The following EML6 variants were observed in gnomAD, a reference collection of about 807,000 sequenced individuals.
EML6 encodes the protein echinoderm microtubule-associated protein-like 6.
Under a neutral mutation model 240.1 loss-of-function variants are expected in EML6, and 154 were observed. The observed-to-expected ratio is 0.64, with a 90% CI of 0.56 to 0.73. EML6 has a LOEUF of 0.73. EML6 is among the 30% of genes least tolerant of loss of function. The pLI, the probability that EML6 is intolerant of heterozygous loss-of-function variation, is 0.00. For missense variants in EML6, 2,964 were observed against 2,474.6 expected (o/e 1.20, Z -4.20); for synonymous variants, 1,148 against 899.0 (o/e 1.28, Z -4.95).
chr2:54,844,568 C>T (rs1401121045), intron 8 of EML6, among the ~76,000 whole-genome samples: 1 of 152,198 alleles, frequency 6.6e-6, no homozygotes, highest in East Asian at 1.9e-4. Context: ...TCCCCTCGTG[C>T]CCTTGGTCTT....
In EML6 at chr2:54,964,025, T is replaced by A; in HGVS notation, c.5197T>A (p.Cys1733Ser). 1 of 1,551,680 alleles carries A rather than the reference T, an allele frequency of 6.4e-7. No individual in the cohort carries two copies. The highest frequency in any genetic ancestry group is 1.2e-5 in the South Asian group (1 of 84,056). The change falls in exon 37 of 42, where the codon TGT becomes AGT. Residue 1733 changes from cysteine to serine, a missense_variant. Transcript: ENST00000356458. ...NKVSLGHAAR[C>S]AAYSPDGEMV... ...GGTGAGCTTGGGCCATGCGGCCAGG[T>A]GTGCAGCCTACAGCCCTGATGGGGA...
chr2:54,867,558 G>C (rs1311539851), intron 14 of EML6: 2 of 152,198 alleles, frequency 1.3e-5, no homozygotes. Flanking sequence ...CTTGAGCCCA[G>C]GAGTTCGAGA....
intron 2 of EML6, among the ~76,000 whole-genome samples, chr2:54,789,433 G>T (rs923042594): frequency 1.4e-5 from 2 of 142,512 alleles, no homozygotes; most frequent in Admixed American, 1.5e-4. Flanking sequence ...AGAATGGCGT[G>T]AACCCGGGAG....
At chr2:54,883,185 A>G (rs545686185) in intron 17 of EML6, among the ~76,000 whole-genome samples, 1 of 152,280 alleles carries the variant, frequency 6.6e-6, no homozygotes, top group African/African-American at 2.4e-5. Context: ...GCCATGGTTA[A>G]CATTTTAGCA....
chr2:54,791,152 G>A (rs996514086), intron 2 of EML6, among the ~76,000 whole-genome samples: 1 of 152,200 alleles, frequency 6.6e-6, no homozygotes, highest in Admixed American at 6.5e-5. Flanking sequence ...ATTCAGAGAG[G>A]TGAGGGAGGA....
At chr2:54,851,210 A>T (rs1670066467) in intron 10 of EML6, among the ~76,000 whole-genome samples, 1 of 152,072 alleles carries the variant, frequency 6.6e-6, no homozygotes, top group Non-Finnish European at 1.5e-5. Context: ...GGAGTTCGAA[A>T]TCAACCTGGC....
chr2:54,808,300 C>T (rs961434460), intron 2 of EML6, among the ~76,000 whole-genome samples: 5 of 152,206 alleles, frequency 3.3e-5, no homozygotes, highest in Non-Finnish European at 5.9e-5. Context: ...CTGTTCAAAT[C>T]AGGCCTGCCT....
Position 54,954,890 on chromosome 2 carries a change from C to A in EML6, c.4486+734C>A, listed in dbSNP as rs1284298594. On this transcript the variant is annotated intron_variant, in intron 32 of 41. Coordinates refer to ENST00000356458, the MANE Select transcript of EML6 (RefSeq NM_001039753.4). ...GCAGCTAGGCAGCCTGTATCTGGGA[C>A]ACGCTCTACCAGGCAAGCGCAGAGG... 1.1e-4 allele frequency among the ~76,000 whole-genome samples: 17 copies of A among 152,326 alleles called. No individual in the cohort carries two copies. In the South Asian group the frequency reaches 2.7e-3, roughly 24 times the overall value.
At chr2:54,825,405 A>G (rs111841203) in intron 5 of EML6, among the ~76,000 whole-genome samples, 1 of 152,076 alleles carries the variant, frequency 6.6e-6, no homozygotes, top group Non-Finnish European at 1.5e-5. Context: ...AAAAAACTTT[A>G]TTACAGGTGT....
intron 7 of EML6, among the ~76,000 whole-genome samples, chr2:54,841,821 G>C (rs193239310): frequency 6.8e-6 from 1 of 147,714 alleles, no homozygotes; most frequent in African/African-American, 2.7e-5. Context: ...TCAAGCTCCT[G>C]GCCTCAAGCG....
At position 54,752,775 on chromosome 2, in the gene EML6, A is replaced by G. The variant is rs533412087; in HGVS notation, c.197+27517A>G. 2.0e-5 allele frequency among the ~76,000 whole-genome samples: 3 copies of G among 152,308 alleles called. No homozygotes were observed. The East Asian group carries it at 5.8e-4, about 29-fold the overall frequency. ...GGGTTGTTTTCACTTTGAGTCTACT[A>G]TAAATAATGCTTCTTTTTAAACCTT... On this transcript the variant is annotated intron_variant, in intron 2 of 41. Coordinates refer to ENST00000356458, the MANE Select transcript of EML6 (RefSeq NM_001039753.4).
chr2:54,888,061 C>T (rs1380955349), intron 17 of EML6, among the ~76,000 whole-genome samples: 1 of 152,180 alleles, frequency 6.6e-6, no homozygotes, highest in Non-Finnish European at 1.5e-5. Context: ...GCATAGACGC[C>T]AATACTATGC....
chr2:54,950,526 T>A (rs548685633), intron 29 of EML6, 124 bp from the exon 30 acceptor site: 3 of 1,009,012 alleles, frequency 3.0e-6, no homozygotes, highest in African/African-American at 3.3e-5. Flanking sequence ...TCAGTGAGTG[T>A]GTGTTGGCGT....
chr2:54,932,508 C>T (rs776196833), intron 28 of EML6, among the ~76,000 whole-genome samples: 1 of 152,148 alleles, frequency 6.6e-6, no homozygotes, highest in African/African-American at 2.4e-5. Flanking sequence ...CACGCCCCAA[C>T]CTGACACACC....
chr2:54,878,120 A>G (rs976880945), intron 16 of EML6, among the ~76,000 whole-genome samples: 1 of 152,228 alleles, frequency 6.6e-6, no homozygotes, highest in African/African-American at 2.4e-5. Flanking sequence ...ACATATAAAT[A>G]TTGCATGGGA....
intron 24 of EML6, among the ~76,000 whole-genome samples, chr2:54,906,178 T>G (rs1673318996): frequency 6.6e-6 from 1 of 152,264 alleles, no homozygotes; most frequent in Non-Finnish European, 1.5e-5. Flanking sequence ...TCCACATCTT[T>G]GCCAAAGCTT....
chr2:54,902,961 C>T (rs1309396472), intron 22 of EML6, 83 bp from the exon 23 acceptor site: 9 of 1,283,780 alleles, frequency 7.0e-6, no homozygotes, highest in Non-Finnish European at 8.7e-6. Flanking sequence ...TAATGCACAT[C>T]ATCAGATTTC....
chr2:54,764,457 TG>T (rs1558532956), intron 2 of EML6, among the ~76,000 whole-genome samples: 1 of 152,192 alleles, frequency 6.6e-6, no homozygotes, highest in African/African-American at 2.4e-5. Flanking sequence ...TCGTGAAACC[TG>T]GGGGCACTCC....
intron 2 of EML6, among the ~76,000 whole-genome samples, chr2:54,791,279 C>T (rs1039957676): frequency 6.6e-6 from 1 of 152,184 alleles, no homozygotes; most frequent in East Asian, 1.9e-4. Context: ...TGCCGGTATG[C>T]TCACGCAAGT....
Sources: allele counts gnomAD v4.1 joint callset (sites outside exome capture counted in the v4.1 genomes callset), GRCh38; gene constraint gnomAD v4.1.1; transcripts MANE v1.5; gene names NCBI Gene and HGNC (gene_info 2026-07-23, HGNC 2026-07-21).